Variants in RTL1 observed in about 807,000 individuals in gnomAD.
RTL1 encodes the protein retrotransposon-like protein 1.
For synonymous variants in RTL1, 727 were observed against 748.4 expected, an observed-to-expected ratio of 0.97 and a Z score of 0.47; for missense variants, 1,681 against 1,767.5, an observed-to-expected ratio of 0.95 and a Z score of 0.88.
At chr14:100,901,070 C>T (rs79084266) in intron 2 of RTL1, among the ~76,000 whole-genome samples, 17 of 152,290 alleles carry the variant, frequency 1.1e-4, no homozygotes, top group Non-Finnish European at 2.1e-4. Context: ...GCTGCCCCCC[C>T]ACGGCGGGTC....
chr14:100,884,805 G>C lies in RTL1; in HGVS notation c.-17C>G, dbSNP rs746064233. 6.5e-7 allele frequency: 1 copy of C among 1,542,858 alleles called. No individual in the cohort carries two copies. ...TTCTATCATTTCGTCGGATGGAAAG[G>C]AGTGTATTCTGAAGATTGGTAAGGT... On this transcript the variant is annotated 5_prime_UTR_variant, in exon 4 of 4. Coordinates refer to ENST00000649591, the MANE Select transcript of RTL1 (RefSeq NM_001134888.3).
At chr14:100,888,531 A>G (rs971938154) in intron 3 of RTL1, among the ~76,000 whole-genome samples, 1 of 152,226 alleles carries the variant, frequency 6.6e-6, no homozygotes, top group African/African-American at 2.4e-5. Context: ...AGTCAAATTC[A>G]CACTTCCTAG....
At position 100,892,953 on chromosome 14, in the gene RTL1, C is replaced by G. The variant is rs1335649396; in HGVS notation, c.-87+491G>C. Among the ~76,000 whole-genome samples the G allele has an allele frequency of 3.9e-5, 6 of 152,068 alleles. No homozygotes were observed. The East Asian group carries it at 9.7e-4, about 24-fold the overall frequency. On this transcript the variant is annotated intron_variant, in intron 3 of 3. Coordinates refer to ENST00000649591, the MANE Select transcript of RTL1 (RefSeq NM_001134888.3). Reference sequence around the variant, plus strand: ...CGGAGGGCGAGGTGCTGGCACAAGGCCCCCGAGAGACAGAGGCAGGGTTTA... The same window carrying G: ...CGGAGGGCGAGGTGCTGGCACAAGGGCCCCGAGAGACAGAGGCAGGGTTTA...
intron 3 of RTL1, among the ~76,000 whole-genome samples, chr14:100,886,443 T>C (rs188491525): frequency 6.6e-6 from 1 of 152,360 alleles, no homozygotes; most frequent in Admixed American, 6.5e-5. Context: ...ATATCTGACA[T>C]GTAAACTCAC....
At chr14:100,891,207 C>T (rs2038772245) in intron 3 of RTL1, among the ~76,000 whole-genome samples, 1 of 152,120 alleles carries the variant, frequency 6.6e-6, no homozygotes, top group Non-Finnish European at 1.5e-5. Context: ...CTTGCACACC[C>T]CTGACTTGTG....
At chr14:100,894,411 C>G (rs900357127) in intron 2 of RTL1, among the ~76,000 whole-genome samples, 2 of 152,218 alleles carry the variant, frequency 1.3e-5, no homozygotes, top group African/African-American at 4.8e-5. Context: ...ATTTAGCACC[C>G]TGAGCTGCAA....
At chr14:100,885,287 T>G (rs577827752) in intron 3 of RTL1, among the ~76,000 whole-genome samples, 1 of 152,284 alleles carries the variant, frequency 6.6e-6, no homozygotes, top group East Asian at 1.9e-4. Flanking sequence ...AGAGGTCACA[T>G]CTCAGCACCA....
intron 3 of RTL1, among the ~76,000 whole-genome samples, chr14:100,888,839 T>C (rs1006674683): frequency 6.6e-5 from 10 of 152,208 alleles, no homozygotes; most frequent in African/African-American, 2.2e-4. Flanking sequence ...TTAAAATCTT[T>C]CAACTTTGGT....
rs568499561 is a variant in RTL1 at position 100,881,119 on chromosome 14, C to T, written c.3670G>A (p.Val1224Ile). 5.5e-5 allele frequency: 87 copies of T among 1,574,478 alleles called. No homozygotes were observed. The highest frequency in any genetic ancestry group is 3.5e-4 in the East Asian group (15 of 42,686). The change falls in exon 4 of 4, where the codon GTC becomes ATC. Residue 1224 changes from valine (V) to isoleucine (I), a missense_variant. Val to Ile is a conservative substitution (Grantham distance 29). Transcript: ENST00000649591. The surrounding 1 kb of genome is among the most constrained non-coding windows in gnomAD (Gnocchi z 6.6). The stretch of plus-strand genomic sequence containing the variant: ...AAGACGACATCCTCATCACCAACGA[C>T]GTGCAGCTCCAGGTAGCGGTTCTGA... ...LRQNRYLELH[V>I]VGDEDVVLRE...
rs1280554908 is a variant in RTL1 at position 100,884,860 on chromosome 14, C to T, written c.-72G>A. 35 of 1,417,256 alleles carry T rather than the reference C, an allele frequency of 2.5e-5. No homozygotes were observed. Among genetic ancestry groups the T allele is most frequent in the Admixed American group, 2.4e-4 (10 of 41,532 alleles). 87.8% of individuals were successfully genotyped at this position (1,417,256 alleles called of 1,614,324 possible). The stretch of plus-strand genomic sequence containing the variant: ...ATGGCGTCCAGTCAGTAGCTGGGAC[C>T]GTGGAGATCAGAACCTGGTGGTGGA... On this transcript the variant is annotated 5_prime_UTR_variant, in exon 4 of 4. Transcript: ENST00000649591.
At chr14:100,896,831 G>A (rs189475548) in intron 2 of RTL1, among the ~76,000 whole-genome samples, 8 of 152,292 alleles carry the variant, frequency 5.3e-5, no homozygotes, top group Non-Finnish European at 8.8e-5. Context: ...CCAGCAAGCC[G>A]TCTAGGCTGC....
Position 100,881,523 on chromosome 14 carries a change from G to T in RTL1, c.3266C>A (p.Thr1089Asn). 23 of 1,551,738 alleles carry T rather than the reference G, an allele frequency of 1.5e-5. No homozygotes were observed. Among genetic ancestry groups the T allele is most frequent in the Non-Finnish European group, 1.9e-5 (22 of 1,147,016 alleles). Residue 1089 changes from threonine (T) to asparagine (N), a missense_variant, in exon 4 of 4, where the codon ACC becomes AAC. Thr to Asn is a moderately conservative substitution (Grantham distance 65). Transcript: ENST00000649591. The surrounding 1 kb of genome is among the most constrained non-coding windows in gnomAD (Gnocchi z 6.6). ...CACGAGGATGGCTGCCAGGGCTAGGGTGTTCTTCCAGTACAGGAGGCCTCG... is the reference window on the plus strand; with the variant it reads ...CACGAGGATGGCTGCCAGGGCTAGGTTGTTCTTCCAGTACAGGAGGCCTCG... The part of the protein sequence containing the change: ...FFRGLLYWKN[T>N]LALAAILVLL...
chr14:100,884,948 C>T (rs1008001533), intron 3 of RTL1, 74 bp from the exon 4 acceptor site: 4 of 625,012 alleles, frequency 6.4e-6, no homozygotes, highest in South Asian at 4.9e-5. Flanking sequence ...ATCAGGGTCT[C>T]AAGGACAAAT....
chr14:100,902,178 C>A (rs764376768), intron 2 of RTL1, among the ~76,000 whole-genome samples: 7 of 152,202 alleles, frequency 4.6e-5, no homozygotes, highest in Admixed American at 6.5e-5. Context: ...TTTGCTGAGC[C>A]CTCCCCTGCC....
At chr14:100,897,847 T>C (rs1173150203) in intron 2 of RTL1, 1 of 353,980 alleles carries the variant, frequency 2.8e-6, no homozygotes, top group Non-Finnish European at 6.0e-6. Context: ...GGGAGTGGGC[T>C]CACGAGTGTT....
In RTL1 at chr14:100,880,977, T is replaced by C; in HGVS notation, c.3812A>G (p.His1271Arg). The change falls in exon 4 of 4, where the codon CAC (histidine) becomes CGC (arginine). Residue 1271 changes from histidine (H) to arginine (R), a missense_variant. Transcript: ENST00000649591. ...GCGGGGTGGGTGGGTGGCTGCTGTG[T>C]GGCTGGGTGGGGCCTCCTGCACGTC... ...DNDVQEAPPSHTAATHPPRPR... is the reference protein window; with the variant it reads ...DNDVQEAPPSRTAATHPPRPR... 1 of 1,558,532 alleles carries C rather than the reference T, an allele frequency of 6.4e-7. No homozygotes were observed. The highest frequency in any genetic ancestry group is 1.2e-5 in the South Asian group (1 of 84,562).
In RTL1 at chr14:100,882,065, G is replaced by A; in HGVS notation, c.2724C>T (p.Arg908=). The A allele has an allele frequency of 6.2e-7, 1 of 1,608,284 alleles. No homozygotes were observed. Among genetic ancestry groups the A allele is most frequent in the Non-Finnish European group, 8.5e-7 (1 of 1,177,066 alleles). ...ACTCAACCTCGATAGGGGAGATGTTGCGGGAGTAGAAAGCGCAGCAGGCTC... is the reference window on the plus strand; with the variant it reads ...ACTCAACCTCGATAGGGGAGATGTTACGGGAGTAGAAAGCGCAGCAGGCTC... ...GKRACCAFYS[R]NISPIEVEYS... Residue 908 remains arginine, a synonymous_variant, in exon 4 of 4, where the codon CGC becomes CGT. Transcript: ENST00000649591.
rs552174282 is a variant in RTL1, at chr14:100,893,695, G to A, written c.-148-190C>T. Reference sequence around the variant, plus strand: ...GGGACCTCCGTGATGCTTCCTGAGTGCTTACTATGCGCCAAGCGCTGCTTT... The same window carrying A: ...GGGACCTCCGTGATGCTTCCTGAGTACTTACTATGCGCCAAGCGCTGCTTT... On this transcript the variant is annotated intron_variant, in intron 2 of 3. Coordinates refer to ENST00000649591, the MANE Select transcript of RTL1 (RefSeq NM_001134888.3). This position sits in a 1 kb window ranked among gnomAD's most constrained non-coding sequence, Gnocchi z 4.2. Among the ~76,000 whole-genome samples, 82 of 152,300 alleles carry A rather than the reference G, an allele frequency of 5.4e-4. No homozygotes were observed. The highest frequency in any genetic ancestry group is 2.6e-4 in the Admixed American group (4 of 15,304).
At chr14:100,891,204 A>G (rs1595340613) in intron 3 of RTL1, among the ~76,000 whole-genome samples, 1 of 151,944 alleles carries the variant, frequency 6.6e-6, no homozygotes, top group East Asian at 1.9e-4. Flanking sequence ...AATCTTGCAC[A>G]CCCCTGACTT....
Sources: allele counts gnomAD v4.1 joint callset (sites outside exome capture counted in the v4.1 genomes callset), GRCh38; gene constraint gnomAD v4.1.1; non-coding constraint Gnocchi (gnomAD v3.1); transcripts MANE v1.5; gene names NCBI Gene and HGNC (gene_info 2026-07-23, HGNC 2026-07-21).